The following PIAS2 variants were observed in gnomAD, a reference collection of about 807,000 sequenced individuals.
PIAS2 encodes the protein E3 SUMO-protein ligase PIAS2.
PIAS2 carries 19 observed loss-of-function variants against 69.7 expected under a neutral mutation model. That is an observed-to-expected ratio of 0.27 (90% CI 0.19 to 0.40). The LOEUF is 0.40. Among genes scored for constraint, PIAS2 ranks in the 10% least tolerant of loss-of-function variants. The pLI, the probability that PIAS2 is intolerant of heterozygous loss-of-function variation, is 1.00. For missense variants in PIAS2, 624 were observed against 757.0 expected, an observed-to-expected ratio of 0.82 and a Z score of 2.06; for synonymous variants, 261 against 263.2, an observed-to-expected ratio of 0.99 and a Z score of 0.08.
In PIAS2 at chr18:46,873,017, TG is replaced by T. The variant is rs543841807; in HGVS notation, c.500-8770del. ...GCTTACTCAAGAACATGGGGGCCACTGACAACCTGTGGCCTTTGTATCAAAA... is the reference window on the plus strand; with the variant it reads ...GCTTACTCAAGAACATGGGGGCCACTACAACCTGTGGCCTTTGTATCAAAA... On this transcript the variant is annotated intron_variant, in intron 2 of 13. Coordinates refer to ENST00000585916, the MANE Select transcript of PIAS2 (RefSeq NM_004671.5). Among the ~76,000 whole-genome samples, 90 of 152,334 alleles carry T rather than the reference TG, an allele frequency of 5.9e-4. 2 individuals carry two copies. In the South Asian group the frequency reaches 0.018, roughly 30 times the overall value.
chr18:46,827,837 A>G, intron 11 of PIAS2, 122 bp downstream of exon 11: 1 of 842,636 alleles, frequency 1.2e-6, no homozygotes, highest in Non-Finnish European at 1.8e-6. Flanking sequence ...TTTCAACTCA[A>G]CAAAGGCAAA....
intron 12 of PIAS2, chr18:46,816,737 G>T (rs964463472): frequency 2.1e-6 from 2 of 935,988 alleles, no homozygotes; most frequent in African/African-American, 3.6e-5. Flanking sequence ...CAAAGTGCTG[G>T]GATTACAGAC....
At chr18:46,874,358 A>T (rs1040520537) in intron 2 of PIAS2, among the ~76,000 whole-genome samples, 1 of 152,198 alleles carries the variant, frequency 6.6e-6, no homozygotes, top group African/African-American at 2.4e-5. Flanking sequence ...TTAAGGCATT[A>T]ATCAAAAATA....
intron 3 of PIAS2, among the ~76,000 whole-genome samples, chr18:46,862,320 G>A (rs1403706127): frequency 1.3e-5 from 2 of 152,050 alleles, no homozygotes; most frequent in South Asian, 4.1e-4. Context: ...GGATGACAGA[G>A]CGAGACTCTG....
chr18:46,896,840 T>C (rs981631724), intron 1 of PIAS2, among the ~76,000 whole-genome samples: 2 of 152,242 alleles, frequency 1.3e-5, no homozygotes, highest in Admixed American at 6.5e-5. Context: ...TCTACCAATA[T>C]AAGAATGGTT....
intron 13 of PIAS2, among the ~76,000 whole-genome samples, chr18:46,814,350 A>G (rs967134871): frequency 6.6e-6 from 1 of 152,022 alleles, no homozygotes; most frequent in Non-Finnish European, 1.5e-5. Context: ...TTCCAAGATA[A>G]TTTTTTTTAA....
intron 5 of PIAS2, among the ~76,000 whole-genome samples, chr18:46,852,392 T>C (rs1001353339): frequency 6.6e-6 from 1 of 152,216 alleles, no homozygotes; most frequent in Non-Finnish European, 1.5e-5. Context: ...TTTGAAAATA[T>C]GTCTTTGCCT....
upstream of PIAS2, among the ~76,000 whole-genome samples, chr18:46,918,825 T>G (rs899896387): frequency 6.6e-6 from 1 of 152,144 alleles, no homozygotes; most frequent in East Asian, 1.9e-4. Context: ...GGTTTCACTT[T>G]AAGTGTCACT....
intron 8 of PIAS2, among the ~76,000 whole-genome samples, chr18:46,842,511 C>G (rs1459785157): frequency 2.0e-5 from 3 of 152,094 alleles, no homozygotes; most frequent in Non-Finnish European, 4.4e-5. Context: ...AGTTTCCTCC[C>G]CATATGGTGA....
intron 1 of PIAS2, chr18:46,907,358 T>C (rs902757519): frequency 6.6e-6 from 1 of 152,090 alleles, no homozygotes; most frequent in Non-Finnish European, 1.5e-5. Context: ...AGATGCAAAT[T>C]AAAACCACTA....
At chr18:46,896,179 A>AG (rs2054849624) in intron 1 of PIAS2, among the ~76,000 whole-genome samples, 3 of 151,034 alleles carry the variant, frequency 2.0e-5, no homozygotes, top group Non-Finnish European at 1.5e-5. Context: ...AAAAAAAAAA[A>AG]AAAAAATTAA....
At chr18:46,825,054 T>TA (rs2042671992) in intron 11 of PIAS2, among the ~76,000 whole-genome samples, 1 of 151,768 alleles carries the variant, frequency 6.6e-6, no homozygotes, top group African/African-American at 2.4e-5. Flanking sequence ...GGCTGTAAAT[T>TA]AGAGTAAGTT....
chr18:46,813,947 T>C (rs1406945267), intron 13 of PIAS2, among the ~76,000 whole-genome samples: 1 of 152,172 alleles, frequency 6.6e-6, no homozygotes, highest in African/African-American at 2.4e-5. Context: ...AATCAATTTC[T>C]AACTTTCCAC....
At chr18:46,817,534 T>G in intron 12 of PIAS2, 1 of 933,486 alleles carries the variant, frequency 1.1e-6, no homozygotes, top group South Asian at 4.9e-5. Flanking sequence ...GTGGTAAATA[T>G]AAAGTTTATT....
At position 46,804,760 on chromosome 18, in the gene PIAS2, C is replaced by G. The variant is rs2040610790; in HGVS notation, c.*7673G>C. On this transcript the variant is annotated 3_prime_UTR_variant, in exon 14 of 14. Coordinates refer to ENST00000585916, the MANE Select transcript of PIAS2 (RefSeq NM_004671.5). ...ATTGTAATCTCCCTATTTCACACCTCTGTTGACGCTATTGGAGCACAACTT... is the reference window on the plus strand; with the variant it reads ...ATTGTAATCTCCCTATTTCACACCTGTGTTGACGCTATTGGAGCACAACTT... 1 of 152,232 alleles carries G rather than the reference C, an allele frequency of 6.6e-6. No individual in the cohort carries two copies. The highest frequency in any genetic ancestry group is 6.5e-5 in the Admixed American group (1 of 15,284). The allele number at this position is 152,232 out of a possible 1,614,324, so 9.4% of individuals were successfully genotyped here.
intron 11 of PIAS2, 23 bp from the exon 12 acceptor site, chr18:46,821,095 T>A (rs766842926): frequency 4.3e-6 from 7 of 1,611,708 alleles, no homozygotes; most frequent in Non-Finnish European, 5.9e-6. Context: ...GCACGGGAAA[T>A]TACAAACAAT....
intron 8 of PIAS2, among the ~76,000 whole-genome samples, chr18:46,839,972 C>T (rs941850653): frequency 7.9e-5 from 12 of 151,718 alleles, no homozygotes; most frequent in Admixed American, 2.0e-4. Context: ...ACCAGCCTGA[C>T]CAACATGGTG....
At position 46,818,006 on chromosome 18, in the gene PIAS2, C is replaced by T. The variant is rs937888575; in HGVS notation, c.1649-2657G>A. The T allele has an allele frequency of 1.8e-5, 18 of 987,146 alleles. 1 individual carries two copies. The South Asian group carries it at 4.2e-4, about 23-fold the overall frequency. The allele number at this position is 987,146 out of a possible 1,614,324, so 61.1% of individuals were successfully genotyped here. A position where few individuals can be genotyped will look rare whatever the true frequency, so the allele number is the denominator to read the frequency against. ...CATACTGATATATTTTTATGCCCTC[C>T]GAAGTATTTCATGGTTGAAAATGCT... On this transcript the variant is annotated intron_variant, in intron 12 of 13. Coordinates refer to ENST00000585916, the MANE Select transcript of PIAS2 (RefSeq NM_004671.5).
intron 2 of PIAS2, among the ~76,000 whole-genome samples, chr18:46,867,016 C>T (rs72909200): frequency 0.011 from 1,680 of 152,262 alleles, 17 homozygotes; most frequent in Non-Finnish European, 0.017. Context: ...GAGAATGGTT[C>T]CATAGTCATG....
Sources: gnomAD v4.1 joint callset for allele counts (sites outside exome capture counted in the v4.1 genomes callset) on GRCh38, gnomAD v4.1.1 for gene constraint, MANE v1.5 for transcripts, NCBI Gene and HGNC (gene_info 2026-07-23, HGNC 2026-07-21) for gene names.